Variants in GUCY1A2 observed in about 807,000 individuals in gnomAD.
The protein encoded by GUCY1A2 is guanylate cyclase soluble subunit alpha-2.
Under a neutral mutation model 63.5 loss-of-function variants are expected in GUCY1A2, and 27 were observed. The observed-to-expected ratio is 0.43, with a 90% CI of 0.31 to 0.59. The LOEUF (loss-of-function observed/expected upper bound fraction) is 0.59. Among genes scored for constraint, GUCY1A2 ranks in the 20% least tolerant of loss-of-function variants. The pLI is 0.11. For synonymous variants in GUCY1A2, 364 were observed against 343.5 expected (o/e 1.06, Z -0.66); for missense variants, 768 against 913.3 (o/e 0.84, Z 2.05).
intron 1 of GUCY1A2, among the ~76,000 whole-genome samples, chr11:107,003,621 G>A (rs1315723690): frequency 3.9e-5 from 6 of 152,116 alleles, no homozygotes; most frequent in South Asian, 2.1e-4. Flanking sequence ...TGGTCATTCA[G>A]TAAACAAACC....
intron 1 of GUCY1A2, among the ~76,000 whole-genome samples, chr11:106,987,210 T>G (rs1861412988): frequency 4.6e-5 from 7 of 152,228 alleles, no homozygotes; most frequent in Admixed American, 4.6e-4. Context: ...CTTCAAGATG[T>G]GAGGCAGCAT....
chr11:106,806,082 CACACACACACAT>C (rs924575142), intron 5 of GUCY1A2, among the ~76,000 whole-genome samples: 2 of 151,540 alleles, frequency 1.3e-5, no homozygotes, highest in African/African-American at 4.8e-5. Flanking sequence ...TGTATATATA[CACACACACACAT>C]ACACACACAC....
intron 3 of GUCY1A2, among the ~76,000 whole-genome samples, chr11:106,957,756 C>CT (rs945160203): frequency 6.8e-5 from 10 of 146,720 alleles, no homozygotes; most frequent in African/African-American, 2.3e-4. Context: ...AAAATGGTCA[C>CT]TTTTTTTTTT....
intron 4 of GUCY1A2, among the ~76,000 whole-genome samples, chr11:106,886,676 A>C (rs1286236517): frequency 2.0e-5 from 3 of 152,174 alleles, no homozygotes; most frequent in Non-Finnish European, 4.4e-5. Context: ...ACAAAAACAA[A>C]ATAAAAGACC....
intron 3 of GUCY1A2, among the ~76,000 whole-genome samples, chr11:106,958,151 T>C (rs1022554129): frequency 1.3e-5 from 2 of 152,160 alleles, no homozygotes; most frequent in Non-Finnish European, 2.9e-5. Context: ...AGATGAAATC[T>C]TATGATTACG....
intron 1 of GUCY1A2, among the ~76,000 whole-genome samples, chr11:107,016,128 T>A (rs867192200): frequency 6.6e-6 from 1 of 152,194 alleles, no homozygotes; most frequent in Admixed American, 6.5e-5. Flanking sequence ...CCCTCAGGGT[T>A]CCACTCCTTC....
chr11:106,878,799 AAG>A (rs1491033424), intron 4 of GUCY1A2, among the ~76,000 whole-genome samples: 14 of 148,008 alleles, frequency 9.5e-5, no homozygotes, highest in South Asian at 2.1e-4. Context: ...AAAAAAAAAA[AAG>A]AAGAAGTTGG....
At chr11:106,829,820 C>G (rs1859026465) in intron 4 of GUCY1A2, among the ~76,000 whole-genome samples, 1 of 152,132 alleles carries the variant, frequency 6.6e-6, no homozygotes, top group Admixed American at 6.5e-5. Flanking sequence ...TTACCATGCC[C>G]TGTGACGTGA....
intron 7 of GUCY1A2, among the ~76,000 whole-genome samples, chr11:106,697,156 T>G (rs1565260649): frequency 6.6e-6 from 1 of 152,170 alleles, no homozygotes; most frequent in African/African-American, 2.4e-5. Context: ...TCAAGTAAGA[T>G]CTCCAGAGGA....
chr11:106,889,276 G>A (rs2187036), intron 4 of GUCY1A2, among the ~76,000 whole-genome samples: 23,219 of 152,114 alleles, frequency 0.15, 2,137 homozygotes, highest in South Asian at 0.28. Flanking sequence ...GTTCTCCAAG[G>A]TAAGTTCCTG....
rs1859056174 is a variant in GUCY1A2, at chr11:106,831,923, AAG to A, written c.1207-21447_1207-21446del. Among the ~76,000 whole-genome samples the A allele has an allele frequency of 2.0e-5, 3 of 152,256 alleles. No homozygotes were observed. In the South Asian group the frequency reaches 6.2e-4, roughly 32 times the overall value. ...TCTAGACTCGCACCTCCTCCATACT[AAG>A]AATGTGGTGAAAAGAATCCATCAAG... On this transcript the variant is annotated intron_variant, in intron 4 of 7. Transcript: ENST00000526355.
chr11:106,930,011 G>A (rs1321197794), intron 4 of GUCY1A2, among the ~76,000 whole-genome samples: 1 of 151,944 alleles, frequency 6.6e-6, no homozygotes, highest in African/African-American at 2.4e-5. Context: ...TTAATATTTT[G>A]GCATTTTTCT....
At chr11:106,977,609 C>T (rs1445170103) in intron 3 of GUCY1A2, among the ~76,000 whole-genome samples, 6 of 152,206 alleles carry the variant, frequency 3.9e-5, no homozygotes, top group African/African-American at 1.4e-4. Context: ...AGAAGTCTGA[C>T]ATGTTTAGAA....
At chr11:106,793,580 G>C (rs186829490) in intron 5 of GUCY1A2, among the ~76,000 whole-genome samples, 1 of 152,078 alleles carries the variant, frequency 6.6e-6, no homozygotes, top group Non-Finnish European at 1.5e-5. Flanking sequence ...CAGAAGGGGA[G>C]AAAATATTTG....
chr11:106,921,921 G>C (rs542461821), intron 4 of GUCY1A2, among the ~76,000 whole-genome samples: 38 of 152,130 alleles, frequency 2.5e-4, no homozygotes, highest in African/African-American at 9.2e-4. Flanking sequence ...AGGCTCTTGG[G>C]AATTAATAAA....
rs879841776 is a variant in GUCY1A2, at chr11:106,800,884, T to TA, written c.1692+9108dup. On this transcript the variant is annotated intron_variant, in intron 5 of 7. Transcript: ENST00000526355. ...CACATGTACCCTAGAACTTAAAGTA[T>TA]AAAAAAAAAAAAGAATCTCATAGAA... is the stretch of plus-strand genomic sequence containing the variant. Among the ~76,000 whole-genome samples, 117 of 141,412 alleles carry TA rather than the reference T, an allele frequency of 8.3e-4. No individual in the cohort carries two copies. The South Asian group carries it at 0.011, about 13-fold the overall frequency. 92.8% of individuals were successfully genotyped at this position (141,412 alleles called of 152,430 possible).
At chr11:106,929,928 A>C (rs1860578912) in intron 4 of GUCY1A2, among the ~76,000 whole-genome samples, 1 of 152,214 alleles carries the variant, frequency 6.6e-6, no homozygotes, top group Admixed American at 6.5e-5. Context: ...AGACACTTAA[A>C]ACAGTGCCAG....
intron 3 of GUCY1A2, among the ~76,000 whole-genome samples, chr11:106,944,215 C>CAAAAAAAAA (rs71041701): frequency 0.012 from 253 of 21,542 alleles, 43 homozygotes; most frequent in Middle Eastern, 0.053. Context: ...ACCCTGTCTC[C>CAAAAAAAAA]AAAAAAAAAA....
intron 1 of GUCY1A2, among the ~76,000 whole-genome samples, chr11:107,010,903 T>C (rs1214309815): frequency 2.0e-5 from 3 of 152,020 alleles, no homozygotes; most frequent in South Asian, 4.2e-4. Flanking sequence ...CTAATTTTTG[T>C]ATTTTTGGTA....
Sources: gnomAD v4.1 joint callset for allele counts (sites outside exome capture counted in the v4.1 genomes callset) on GRCh38, gnomAD v4.1.1 for gene constraint, MANE v1.5 for transcripts, NCBI Gene and HGNC (gene_info 2026-07-23, HGNC 2026-07-21) for gene names.